FHIT: variants seen among roughly 807,000 people sequenced by gnomAD.
FHIT encodes the protein bis(5'-adenosyl)-triphosphatase.
A neutral mutation model predicts 17.9 loss-of-function variants in FHIT; 19 were observed. The ratio of observed to expected loss-of-function variants is 1.06; its 90% CI spans 0.74 to 1.56. The LOEUF (loss-of-function observed/expected upper bound fraction) is 1.56. FHIT is among the 40% of genes most tolerant of loss of function. The probability of loss-of-function intolerance (pLI) is 0.00; values close to 1 mark genes in which losing one functional copy is unlikely to be tolerated. For synonymous variants in FHIT, 81 were observed against 69.7 expected, an observed-to-expected ratio of 1.16 and a Z score of -0.81; for missense variants, 248 against 189.2, an observed-to-expected ratio of 1.31 and a Z score of -1.82.
chr3:60,942,788 A>C (rs1553774870), intron 3 of FHIT, among the ~76,000 whole-genome samples: 1 of 152,036 alleles, frequency 6.6e-6, no homozygotes, highest in Admixed American at 6.6e-5. Flanking sequence ...TTGAATCCTT[A>C]ATTCCCTAAC....
intron 8 of FHIT, among the ~76,000 whole-genome samples, chr3:59,846,488 A>G (rs1397443092): frequency 6.6e-6 from 1 of 152,148 alleles, no homozygotes; most frequent in East Asian, 1.9e-4. Context: ...AGTCTCTTAA[A>G]TTATATAGAA....
At chr3:60,198,185 T>C (rs767841513) in intron 5 of FHIT, among the ~76,000 whole-genome samples, 6 of 152,122 alleles carry the variant, frequency 3.9e-5, no homozygotes, top group Admixed American at 2.0e-4. Flanking sequence ...CCAGGTCCAG[T>C]TCAGCACTTG....
intron 5 of FHIT, among the ~76,000 whole-genome samples, chr3:60,368,193 TTTAAAAA>T (rs1700187630): frequency 9.4e-6 from 1 of 106,390 alleles, no homozygotes; most frequent in African/African-American, 4.5e-5. Flanking sequence ...AACATATCTT[TTTAAAAA>T]AAAAAAAAAA....
At chr3:60,800,541 T>C (rs1701150593) in intron 4 of FHIT, among the ~76,000 whole-genome samples, 1 of 152,090 alleles carries the variant, frequency 6.6e-6, no homozygotes, top group South Asian at 2.1e-4. Context: ...CCCTAGATAA[T>C]CAAATTGAGG....
At chr3:60,675,704 C>G (rs570102409) in intron 4 of FHIT, among the ~76,000 whole-genome samples, 14 of 152,156 alleles carry the variant, frequency 9.2e-5, no homozygotes, top group African/African-American at 3.4e-4. Context: ...CCTCAGCCTA[C>G]CAACAGCATG....
chr3:60,140,645 C>A (rs1700003929), intron 5 of FHIT, among the ~76,000 whole-genome samples: 3 of 146,542 alleles, frequency 2.0e-5, no homozygotes, highest in South Asian at 4.4e-4. Context: ...ATGGCGTGAT[C>A]TCAGCTCACC....
At chr3:61,225,457 T>C (rs1275984305) in intron 1 of FHIT, among the ~76,000 whole-genome samples, 1 of 152,240 alleles carries the variant, frequency 6.6e-6, no homozygotes, top group Non-Finnish European at 1.5e-5. Flanking sequence ...AGGCATGTTC[T>C]AAAATGGTCA....
chr3:61,167,339 G>A (rs1043210984), intron 2 of FHIT, among the ~76,000 whole-genome samples: 32 of 151,538 alleles, frequency 2.1e-4, no homozygotes, highest in Non-Finnish European at 3.5e-4. Context: ...ATATACAGAC[G>A]TTAAAAGAAA....
At chr3:61,211,070 G>A (rs1037311261) in intron 1 of FHIT, among the ~76,000 whole-genome samples, 6 of 151,982 alleles carry the variant, frequency 3.9e-5, no homozygotes, top group African/African-American at 1.2e-4. Flanking sequence ...CTCCCAGCAT[G>A]AGCAATGCAG....
chr3:60,158,559 G>A (rs1270926015), intron 5 of FHIT, among the ~76,000 whole-genome samples: 3 of 152,020 alleles, frequency 2.0e-5, no homozygotes, highest in African/African-American at 2.4e-5. Context: ...TGATCCGCCC[G>A]CCTCTGCCTT....
intron 5 of FHIT, among the ~76,000 whole-genome samples, chr3:60,314,943 A>C (rs571044464): frequency 8.5e-5 from 13 of 152,152 alleles, no homozygotes; most frequent in African/African-American, 2.9e-4. Context: ...AATAATAATA[A>C]TAAAAGAATT....
chr3:61,173,083 CT>C (rs1357832723), intron 2 of FHIT, among the ~76,000 whole-genome samples: 1 of 152,064 alleles, frequency 6.6e-6, no homozygotes, highest in East Asian at 1.9e-4. Context: ...TCAGAAGCTG[CT>C]AAATTTATTT....
In FHIT at chr3:60,878,938, C is replaced by T. The variant is rs534894299; in HGVS notation, c.-110-56927G>A. Reference sequence around the variant, plus strand: ...AAGTCTTTGATATTGTGAATAGTGCCGCAATAAACATACATGTGCATGTGT... The same window carrying T: ...AAGTCTTTGATATTGTGAATAGTGCTGCAATAAACATACATGTGCATGTGT... On this transcript the variant is annotated intron_variant, in intron 3 of 9. Coordinates refer to ENST00000492590, the MANE Select transcript of FHIT (RefSeq NM_002012.4). Among the ~76,000 whole-genome samples, 10 of 152,090 alleles carry T rather than the reference C, an allele frequency of 6.6e-5. 1 individual carries two copies. Among genetic ancestry groups the T allele is most frequent in the African/African-American group, 2.4e-4 (10 of 41,494 alleles).
chr3:60,037,598 T>A (rs1701272271), intron 5 of FHIT, among the ~76,000 whole-genome samples: 1 of 152,008 alleles, frequency 6.6e-6, no homozygotes, highest in Admixed American at 6.6e-5. Flanking sequence ...GCCAGCCTGG[T>A]CTCGAACTCC....
chr3:60,704,325 A>T (rs2041319792), intron 4 of FHIT, among the ~76,000 whole-genome samples: 1 of 152,202 alleles, frequency 6.6e-6, no homozygotes, highest in African/African-American at 2.4e-5. Context: ...CTGAGCTACA[A>T]TAAAGCTTCT....
At chr3:60,143,918 G>A (rs947594615) in intron 5 of FHIT, among the ~76,000 whole-genome samples, 2 of 152,138 alleles carry the variant, frequency 1.3e-5, no homozygotes, top group East Asian at 1.9e-4. Flanking sequence ...AAAATTAACT[G>A]GGAGGTGGGG....
At chr3:61,232,220 C>T (rs1297377081) in intron 1 of FHIT, among the ~76,000 whole-genome samples, 2 of 150,394 alleles carry the variant, frequency 1.3e-5, no homozygotes, top group Non-Finnish European at 1.5e-5. Context: ...CCTGTCTCTA[C>T]AAAAAAAAAT....
chr3:60,118,591 G>C (rs1307361408), intron 5 of FHIT, among the ~76,000 whole-genome samples: 2 of 151,886 alleles, frequency 1.3e-5, no homozygotes, highest in African/African-American at 4.8e-5. Flanking sequence ...CTCCCCAGAG[G>C]TAAAGTGACT....
intron 5 of FHIT, among the ~76,000 whole-genome samples, chr3:60,370,071 T>A (rs1700262996): frequency 6.6e-6 from 1 of 152,248 alleles, no homozygotes; most frequent in African/African-American, 2.4e-5. Flanking sequence ...GCTGCCTATG[T>A]CCGAGAGCTT....
Sources: gnomAD v4.1 joint callset for allele counts (sites outside exome capture counted in the v4.1 genomes callset) on GRCh38, gnomAD v4.1.1 for gene constraint, MANE v1.5 for transcripts, NCBI Gene and HGNC (gene_info 2026-07-23, HGNC 2026-07-21) for gene names.